RBFOX1: variants seen among roughly 807,000 people sequenced by gnomAD.
The protein encoded by RBFOX1 is RNA binding protein fox-1 homolog 1.
A neutral mutation model predicts 57.7 loss-of-function variants in RBFOX1; 8 were observed. The observed-to-expected ratio is 0.14, with a 90% CI of 0.08 to 0.25. The LOEUF is 0.25. Ranked by LOEUF, RBFOX1 falls within the 10% of genes least tolerant of loss-of-function variation. RBFOX1 has a pLI of 1.00. For missense variants in RBFOX1, 611 were observed against 548.5 expected (o/e 1.11, Z -1.14); for synonymous variants, 326 against 222.4 (o/e 1.47, Z -4.15).
intron 2 of RBFOX1, among the ~76,000 whole-genome samples, chr16:6,630,558 C>G (rs1214750848): frequency 6.6e-6 from 1 of 152,096 alleles, no homozygotes; most frequent in East Asian, 1.9e-4. Context: ...GGCCACTTTA[C>G]AGGTTAAGAA....
chr16:7,669,175 A>T (rs1373795221), intron 13 of RBFOX1, among the ~76,000 whole-genome samples: 1 of 152,196 alleles, frequency 6.6e-6, no homozygotes, highest in Non-Finnish European at 1.5e-5. Flanking sequence ...AAGTGCTGGG[A>T]TTACAGGTGT....
intron 4 of RBFOX1, among the ~76,000 whole-genome samples, chr16:7,449,282 A>T (rs1007893254): frequency 6.6e-6 from 1 of 152,144 alleles, no homozygotes; most frequent in Non-Finnish European, 1.5e-5. Context: ...CATTTTTAAA[A>T]TAATGTCTCA....
At chr16:6,091,344 C>T (rs1182122377) in intron 1 of RBFOX1, among the ~76,000 whole-genome samples, 1 of 152,170 alleles carries the variant, frequency 6.6e-6, no homozygotes, top group Non-Finnish European at 1.5e-5. Context: ...TTGTCTGACC[C>T]CCTTCCCTAT....
chr16:7,581,315 G>T (rs2093742885), intron 6 of RBFOX1, among the ~76,000 whole-genome samples: 1 of 152,188 alleles, frequency 6.6e-6, no homozygotes, highest in Non-Finnish European at 1.5e-5. Flanking sequence ...AAAGTGCAGA[G>T]CATTCAAAGT....
chr16:7,449,139 G>T (rs1486668023), intron 4 of RBFOX1, among the ~76,000 whole-genome samples: 2 of 151,982 alleles, frequency 1.3e-5, no homozygotes, highest in Non-Finnish European at 2.9e-5. Flanking sequence ...ATGTTGGTCA[G>T]GCTGGTCTCG....
intron 1 of RBFOX1, among the ~76,000 whole-genome samples, chr16:5,382,704 C>T (rs887430002): frequency 4.6e-5 from 7 of 152,144 alleles, no homozygotes; most frequent in African/African-American, 7.2e-5. Flanking sequence ...TTGTAAAACC[C>T]GTGTTCTGAT....
intron 2 of RBFOX1, among the ~76,000 whole-genome samples, chr16:6,371,320 C>T (rs1350218057): frequency 6.6e-6 from 1 of 152,160 alleles, no homozygotes; most frequent in East Asian, 1.9e-4. Context: ...TTTCTAACCC[C>T]ATTGCACTTA....
chr16:7,504,752 TATTTATA>T (rs2072466250), intron 4 of RBFOX1, among the ~76,000 whole-genome samples: 1 of 6,140 alleles, frequency 1.6e-4, no homozygotes, highest in African/African-American at 3.1e-4. Flanking sequence ...TATATATATA[TATTTATA>T]TATATATATA....
At chr16:7,061,681 C>G (rs1035124333) in intron 4 of RBFOX1, among the ~76,000 whole-genome samples, 2 of 152,168 alleles carry the variant, frequency 1.3e-5, no homozygotes, top group Non-Finnish European at 2.9e-5. Flanking sequence ...CAGGGAAAAT[C>G]TATTCCCATT....
chr16:6,538,656 C>A (rs1356824497), intron 2 of RBFOX1, among the ~76,000 whole-genome samples: 1 of 152,122 alleles, frequency 6.6e-6, no homozygotes, highest in East Asian at 1.9e-4. Context: ...TGCAGAATGG[C>A]ACACCTGCTG....
intron 4 of RBFOX1, among the ~76,000 whole-genome samples, chr16:7,436,498 C>G (rs1253347356): frequency 6.6e-6 from 1 of 152,216 alleles, no homozygotes; most frequent in Non-Finnish European, 1.5e-5. Context: ...CAACCCAGTG[C>G]AACAGCATGG....
At chr16:5,989,899 A>T (rs530824220) in intron 4 of RBFOX1, among the ~76,000 whole-genome samples, 25 of 86,534 alleles carry the variant, frequency 2.9e-4, no homozygotes, top group African/African-American at 8.7e-4. Context: ...GTTTTATAAT[A>T]GGAGTAACCA....
chr16:6,630,088 T>G (rs1317082284), intron 2 of RBFOX1, among the ~76,000 whole-genome samples: 1 of 151,942 alleles, frequency 6.6e-6, no homozygotes, highest in Admixed American at 6.6e-5. Flanking sequence ...GGTTTTCAAA[T>G]CCCTCCTTGG....
At position 6,423,075 on chromosome 16, in the gene RBFOX1, T is replaced by A. The variant is rs187667948; in HGVS notation, c.-64+106018T>A. Reference sequence around the variant, plus strand: ...AGGCCACCGCTGATGGGCAGCTAGGTTGATTCCATGTATTCACAATTGTGA... The same window carrying A: ...AGGCCACCGCTGATGGGCAGCTAGGATGATTCCATGTATTCACAATTGTGA... On this transcript the variant is annotated intron_variant, in intron 2 of 15. Transcript: ENST00000550418. 1.5e-3 allele frequency among the ~76,000 whole-genome samples: 236 copies of A among 152,304 alleles called. 2 individuals are homozygous for A. Among genetic ancestry groups the A allele is most frequent in the African/African-American group, 5.6e-3 (231 of 41,558 alleles).
intron 2 of RBFOX1, among the ~76,000 whole-genome samples, chr16:5,489,072 T>A (rs1308226130): frequency 6.6e-6 from 1 of 152,202 alleles, no homozygotes; most frequent in African/African-American, 2.4e-5. Flanking sequence ...TTGCCCACAG[T>A]CACACCACAA....
At chr16:5,442,524 G>T (rs755702286) in intron 1 of RBFOX1, among the ~76,000 whole-genome samples, 1 of 152,216 alleles carries the variant, frequency 6.6e-6, no homozygotes, top group Non-Finnish European at 1.5e-5. Context: ...GGATGATAAT[G>T]TCGTAAAGTG....
At chr16:7,478,355 C>A (rs530673011) in intron 4 of RBFOX1, among the ~76,000 whole-genome samples, 1 of 151,960 alleles carries the variant, frequency 6.6e-6, no homozygotes, top group East Asian at 1.9e-4. Context: ...TCCAGGTGGC[C>A]CAAGGGAAAA....
At chr16:5,264,482 A>C (rs1258629685) in intron 1 of RBFOX1, among the ~76,000 whole-genome samples, 1 of 152,192 alleles carries the variant, frequency 6.6e-6, no homozygotes, top group East Asian at 1.9e-4. Flanking sequence ...AAACAGAGAA[A>C]ATGTCACAGA....
intron 14 of RBFOX1, among the ~76,000 whole-genome samples, chr16:7,678,390 G>T (rs2073927896): frequency 6.6e-6 from 1 of 152,052 alleles, no homozygotes; most frequent in South Asian, 2.1e-4. Flanking sequence ...AAAGGAAAAG[G>T]CCTAATGTTA....
Sources: allele counts gnomAD v4.1 joint callset (sites outside exome capture counted in the v4.1 genomes callset), GRCh38; gene constraint gnomAD v4.1.1; transcripts MANE v1.5; gene names NCBI Gene and HGNC (gene_info 2026-07-23, HGNC 2026-07-21).